The following NDST3 variants were observed in gnomAD, a reference collection of about 807,000 sequenced individuals.
NDST3 encodes bifunctional heparan sulfate N-deacetylase/N-sulfotransferase 3.
A neutral mutation model predicts 96.1 loss-of-function variants in NDST3; 58 were observed. The ratio of observed to expected loss-of-function variants is 0.60; its 90% CI spans 0.49 to 0.75. The LOEUF is 0.75. Among genes scored for constraint, NDST3 ranks in the 30% least tolerant of loss-of-function variants. The probability of loss-of-function intolerance (pLI) is 0.00; values close to 1 mark genes in which losing one functional copy is unlikely to be tolerated. For synonymous variants in NDST3, 333 were observed against 359.7 expected (o/e 0.93, Z 0.84); for missense variants, 788 against 1,034.2 (o/e 0.76, Z 3.27).
At chr4:118,201,777 C>G (rs774426585) in intron 6 of NDST3, among the ~76,000 whole-genome samples, 1 of 151,998 alleles carries the variant, frequency 6.6e-6, no homozygotes. Context: ...TGTGCAGAAG[C>G]TTTTTAGTTT....
chr4:118,176,109 C>T (rs1049620956), intron 6 of NDST3, among the ~76,000 whole-genome samples: 2 of 151,774 alleles, frequency 1.3e-5, no homozygotes, highest in South Asian at 2.1e-4. Flanking sequence ...TTGTACTCCT[C>T]GAATATCTAA....
intron 6 of NDST3, among the ~76,000 whole-genome samples, chr4:118,168,508 T>C (rs1050530256): frequency 3.3e-5 from 5 of 152,074 alleles, no homozygotes; most frequent in African/African-American, 9.7e-5. Flanking sequence ...AAATTAGAAC[T>C]CTTGTACACA....
intron 6 of NDST3, among the ~76,000 whole-genome samples, chr4:118,184,600 T>A (rs1331497842): frequency 1.0e-4 from 9 of 89,508 alleles, no homozygotes; most frequent in Non-Finnish European, 1.8e-4. Flanking sequence ...TCTCTCTCTC[T>A]CTACACACAC....
At chr4:118,176,705 G>A (rs991562083) in intron 6 of NDST3, among the ~76,000 whole-genome samples, 8 of 152,028 alleles carry the variant, frequency 5.3e-5, no homozygotes, top group Admixed American at 4.6e-4. Context: ...CTTCTAATAT[G>A]AGACACCCAC....
intron 6 of NDST3, among the ~76,000 whole-genome samples, chr4:118,183,964 CAA>C: frequency 6.6e-6 from 1 of 152,298 alleles, no homozygotes; most frequent in Non-Finnish European, 1.5e-5. Context: ...CACTCAAATG[CAA>C]AGTCCTACCA....
intron 9 of NDST3, among the ~76,000 whole-genome samples, chr4:118,233,680 G>A (rs1740457902): frequency 6.6e-6 from 1 of 152,036 alleles, no homozygotes; most frequent in East Asian, 1.9e-4. Context: ...TCAACCATCT[G>A]AACAAACACT....
In NDST3 at chr4:118,193,943, TAC is replaced by T. The variant is rs576234783; in HGVS notation, c.1540-30544_1540-30543del. 1.4e-3 allele frequency: 1,328 copies of T among 942,608 alleles called. 2 individuals carry two copies. The highest frequency in any genetic ancestry group is 2.0e-3 in the Non-Finnish European group (1,125 of 575,024). 58.4% of individuals were successfully genotyped at this position (942,608 alleles called of 1,614,324 possible). ...TTGCTTGTATTTGCCTTCCTTGAAG[TAC>T]ACAGTGTCCCACTCTTTCACTGTGG... is the stretch of plus-strand genomic sequence containing the variant. On this transcript the variant is annotated intron_variant, in intron 6 of 13. Transcript: ENST00000296499.
At chr4:118,224,745 GA>G (rs1739765792) in intron 7 of NDST3, 72 bp downstream of exon 7, 1 of 1,334,822 alleles carries the variant, frequency 7.5e-7, no homozygotes, top group East Asian at 2.6e-5. Flanking sequence ...TCCCAAATTT[GA>G]AAAGTGAAGG....
intron 7 of NDST3, among the ~76,000 whole-genome samples, chr4:118,226,092 A>G (rs1337329849): frequency 1.3e-5 from 2 of 152,124 alleles, no homozygotes; most frequent in Non-Finnish European, 2.9e-5. Flanking sequence ...TTAACTTCAC[A>G]TACCTATGGT....
intron 1 of NDST3, among the ~76,000 whole-genome samples, chr4:118,046,015 G>A (rs552812845): frequency 1.3e-5 from 2 of 151,960 alleles, no homozygotes; most frequent in East Asian, 3.9e-4. Context: ...CTCCCACGGA[G>A]AAAAACCAAG....
chr4:118,135,404 T>G (rs1732993257), intron 4 of NDST3, among the ~76,000 whole-genome samples: 1 of 152,162 alleles, frequency 6.6e-6, no homozygotes, highest in Non-Finnish European at 1.5e-5. Flanking sequence ...AATTTCCACA[T>G]TATACTTGAG....
chr4:118,236,463 T>C (rs2126002840), intron 9 of NDST3, among the ~76,000 whole-genome samples: 1 of 152,310 alleles, frequency 6.6e-6, no homozygotes, highest in East Asian at 1.9e-4. Flanking sequence ...TCTCTTACAA[T>C]TATTCTAAAG....
Position 118,143,655 on chromosome 4 carries a change from G to T in NDST3, c.1510G>T (p.Glu504Ter), listed in dbSNP as rs776546871. The change falls in exon 6 of 14, where the codon GAA becomes TAA. Residue 504 changes from glutamate to a stop codon, truncating the protein, a stop_gained. Transcript: ENST00000296499. LOFTEE classifies it high-confidence loss of function. ...KELDKSIQGG[E>*]LFFTVVLNPI... ...GCTGGATAAGAGTATCCAAGGAGGA[G>T]AACTTTTCTTCACTGTCGTCCTCAA... is the stretch of plus-strand genomic sequence containing the variant. The T allele has an allele frequency of 6.2e-7, 1 of 1,604,420 alleles. No homozygotes were observed. Among genetic ancestry groups the T allele is most frequent in the Non-Finnish European group, 8.5e-7 (1 of 1,177,100 alleles).
rs1199602825 is a variant in NDST3, at chr4:118,053,856, T to C, written c.-55T>C. On this transcript the variant is annotated 5_prime_UTR_variant, in exon 2 of 14. Coordinates refer to ENST00000296499, the MANE Select transcript of NDST3 (RefSeq NM_004784.3). ...GAAAAGTAGCTGGAACACCATCTTT[T>C]CTTTTAACTTTTTATGGTGCTTCTG... is the stretch of plus-strand genomic sequence containing the variant. 1 of 1,518,368 alleles carries C rather than the reference T, an allele frequency of 6.6e-7. No homozygotes were observed. The highest frequency in any genetic ancestry group is 2.2e-5 in the Admixed American group (1 of 45,418). The allele number at this position is 1,518,368 out of a possible 1,614,324, so 94.1% of individuals were successfully genotyped here.
chr4:118,033,470 G>A (rs1415083027), upstream of NDST3: 1 of 151,370 alleles, frequency 6.6e-6, no homozygotes, highest in Non-Finnish European at 1.5e-5. Context: ...GTCGAGGCCC[G>A]GGCAGCCAGA....
At position 118,054,163 on chromosome 4, in the gene NDST3, G is replaced by C; in HGVS notation, c.253G>C (p.Glu85Gln). The C allele has an allele frequency of 7.4e-6, 12 of 1,612,988 alleles. No individual in the cohort carries two copies. The highest frequency in any genetic ancestry group is 1.0e-5 in the Non-Finnish European group (12 of 1,179,364). ...RTDPTVLVFV[E>Q]SQYSSLGQDI... Reference sequence around the variant, plus strand: ...AGACCCCACAGTCCTAGTATTTGTAGAGAGCCAGTACTCATCTCTTGGTCA... The same window carrying C: ...AGACCCCACAGTCCTAGTATTTGTACAGAGCCAGTACTCATCTCTTGGTCA... Residue 85 changes from glutamate (E) to glutamine (Q), a missense_variant, in exon 2 of 14, where the codon GAG becomes CAG. This residue lies in a region of NDST3 where 234 missense variants were observed against 256.9 expected (regional missense o/e 0.91). Transcript: ENST00000296499.
At chr4:118,201,664 C>G (rs972165812) in intron 6 of NDST3, among the ~76,000 whole-genome samples, 3 of 152,080 alleles carry the variant, frequency 2.0e-5, no homozygotes, top group South Asian at 4.2e-4. Context: ...TGTTCAAGCT[C>G]CCTATAGATT....
At chr4:118,125,109 A>T (rs938987564) in intron 4 of NDST3, among the ~76,000 whole-genome samples, 1 of 152,072 alleles carries the variant, frequency 6.6e-6, no homozygotes, top group Non-Finnish European at 1.5e-5. Flanking sequence ...CACCTTGCTC[A>T]AAGCTCTCAT....
At chr4:118,115,200 A>G (rs566263072) in intron 4 of NDST3, among the ~76,000 whole-genome samples, 27 of 152,278 alleles carry the variant, frequency 1.8e-4, no homozygotes, top group Non-Finnish European at 3.2e-4. Context: ...ATTTATTATG[A>G]CATTATGGTC....
Sources: gnomAD v4.1 joint callset for allele counts (sites outside exome capture counted in the v4.1 genomes callset) on GRCh38, gnomAD v4.1.1 for gene constraint, gnomAD v4.1.1 regional missense constraint, MANE v1.5 for transcripts, NCBI Gene and HGNC (gene_info 2026-07-23, HGNC 2026-07-21) for gene names.